Variants in KCND2 observed in about 807,000 individuals in gnomAD.
KCND2 encodes A-type voltage-gated potassium channel KCND2.
KCND2 carries 16 observed loss-of-function variants against 54.4 expected under a neutral mutation model. The observed-to-expected ratio is 0.29, with a 90% CI of 0.20 to 0.45. The LOEUF (loss-of-function observed/expected upper bound fraction) is 0.45. Ranked by LOEUF, KCND2 falls within the 20% of genes least tolerant of loss-of-function variation. The pLI is 1.00. For synonymous variants in KCND2, 317 were observed against 310.7 expected, an observed-to-expected ratio of 1.02 and a Z score of -0.21; for missense variants, 486 against 824.2, an observed-to-expected ratio of 0.59 and a Z score of 5.02.
intron 1 of KCND2, among the ~76,000 whole-genome samples, chr7:120,366,398 G>A (rs1800678898): frequency 6.7e-6 from 1 of 149,482 alleles, no homozygotes; most frequent in African/African-American, 2.5e-5. Flanking sequence ...TGAGGTGGGA[G>A]AATTTCTTGA....
At chr7:120,281,315 C>G (rs1236424629) in intron 1 of KCND2, among the ~76,000 whole-genome samples, 2 of 151,682 alleles carry the variant, frequency 1.3e-5, no homozygotes, top group Non-Finnish European at 2.9e-5. Context: ...AGCAGGGATA[C>G]ACACACACGT....
intron 1 of KCND2, among the ~76,000 whole-genome samples, chr7:120,682,185 T>A (rs541954843): frequency 6.6e-5 from 10 of 152,186 alleles, no homozygotes; most frequent in African/African-American, 2.4e-4. Flanking sequence ...AACATAAATA[T>A]AATTTCACAA....
Position 120,382,219 on chromosome 7 carries a change from A to G in KCND2, c.1115+106472A>G, listed in dbSNP as rs573017707. ...CAATACTCTTCAACTCTCCCCACTT[A>G]ATCTTCTCATTGTCTAAAGTTTGAA... On this transcript the variant is annotated intron_variant, in intron 1 of 5. Coordinates refer to ENST00000331113, the MANE Select transcript of KCND2 (RefSeq NM_012281.3). Among the ~76,000 whole-genome samples the G allele has an allele frequency of 1.1e-4, 16 of 151,926 alleles. No individual in the cohort carries two copies. In the South Asian group the frequency reaches 3.3e-3, roughly 32 times the overall value.
intron 1 of KCND2, among the ~76,000 whole-genome samples, chr7:120,306,101 A>C (rs1239790143): frequency 6.6e-6 from 1 of 152,094 alleles, no homozygotes; most frequent in African/African-American, 2.4e-5. Context: ...TCCTGCATTC[A>C]AGACTTTCTC....
chr7:120,289,907 C>A (rs145358301), intron 1 of KCND2, among the ~76,000 whole-genome samples: 1 of 152,056 alleles, frequency 6.6e-6, no homozygotes, highest in African/African-American at 2.4e-5. Context: ...AATACACATA[C>A]GATTTAATTT....
At chr7:120,533,375 A>T (rs1194801922) in intron 1 of KCND2, among the ~76,000 whole-genome samples, 1 of 152,078 alleles carries the variant, frequency 6.6e-6, no homozygotes, top group Non-Finnish European at 1.5e-5. Context: ...ACATTTGGAG[A>T]TGTCATCGCC....
chr7:120,571,687 T>C (rs539760196), intron 1 of KCND2, among the ~76,000 whole-genome samples: 1 of 152,334 alleles, frequency 6.6e-6, no homozygotes, highest in African/African-American at 2.4e-5. Flanking sequence ...TCTTTCTTAA[T>C]GAAGCATCTT....
At chr7:120,331,018 A>G (rs1423102770) in intron 1 of KCND2, among the ~76,000 whole-genome samples, 2 of 152,154 alleles carry the variant, frequency 1.3e-5, no homozygotes, top group African/African-American at 4.8e-5. Flanking sequence ...TTTAAAGAAA[A>G]TAGTTTTTGT....
chr7:120,487,739 C>A (rs1285839125), intron 1 of KCND2, among the ~76,000 whole-genome samples: 1 of 152,192 alleles, frequency 6.6e-6, no homozygotes, highest in African/African-American at 2.4e-5. Flanking sequence ...CCATCACTAT[C>A]CCTGATACTC....
chr7:120,623,971 G>A (rs929009022), intron 1 of KCND2, among the ~76,000 whole-genome samples: 1 of 152,166 alleles, frequency 6.6e-6, no homozygotes, highest in Non-Finnish European at 1.5e-5. Context: ...ATTAGAAAAT[G>A]TTAGTTGATG....
chr7:120,553,937 C>T (rs1032804476), intron 1 of KCND2, among the ~76,000 whole-genome samples: 8 of 152,184 alleles, frequency 5.3e-5, no homozygotes, highest in African/African-American at 1.9e-4. Flanking sequence ...ATCAGTTAGA[C>T]AAAAGCTTGG....
chr7:120,632,657 A>G (rs1049960833), intron 1 of KCND2, among the ~76,000 whole-genome samples: 2 of 152,168 alleles, frequency 1.3e-5, no homozygotes, highest in Non-Finnish European at 2.9e-5. Flanking sequence ...GTTGTTCTCT[A>G]TGTAATGGAC....
intron 4 of KCND2, among the ~76,000 whole-genome samples, chr7:120,743,335 G>T (rs1205486863): frequency 6.6e-6 from 1 of 152,146 alleles, no homozygotes; most frequent in Admixed American, 6.6e-5. Flanking sequence ...CAGTTCCAAA[G>T]TATTGCCTGT....
At chr7:120,622,038 T>C (rs1223939925) in intron 1 of KCND2, among the ~76,000 whole-genome samples, 1 of 152,062 alleles carries the variant, frequency 6.6e-6, no homozygotes, top group Non-Finnish European at 1.5e-5. Context: ...TTCTTTTTTC[T>C]TTAATTCACT....
At chr7:120,377,598 T>C (rs1800852935) in intron 1 of KCND2, among the ~76,000 whole-genome samples, 1 of 151,894 alleles carries the variant, frequency 6.6e-6, no homozygotes, top group African/African-American at 2.4e-5. Context: ...AAGGTAACAG[T>C]TTAAGGAGTC....
intron 1 of KCND2, among the ~76,000 whole-genome samples, chr7:120,378,903 G>C (rs1444194819): frequency 6.6e-6 from 1 of 151,962 alleles, no homozygotes; most frequent in Non-Finnish European, 1.5e-5. Flanking sequence ...AATGGCTCAT[G>C]TCTTCTACTT....
At chr7:120,627,586 A>G (rs988862513) in intron 1 of KCND2, among the ~76,000 whole-genome samples, 26 of 152,178 alleles carry the variant, frequency 1.7e-4, no homozygotes, top group Non-Finnish European at 3.5e-4. Context: ...TCATTTGTCT[A>G]TGTCCTTCTA....
intron 1 of KCND2, among the ~76,000 whole-genome samples, chr7:120,576,404 C>T (rs1489354402): frequency 6.6e-6 from 1 of 152,200 alleles, no homozygotes; most frequent in African/African-American, 2.4e-5. Flanking sequence ...TCTTGCCCTA[C>T]TGCTAAACAT....
intron 1 of KCND2, among the ~76,000 whole-genome samples, chr7:120,336,518 A>G (rs1414295711): frequency 6.6e-6 from 1 of 152,048 alleles, no homozygotes; most frequent in Non-Finnish European, 1.5e-5. Flanking sequence ...TTATTACTTT[A>G]TTAGTATAGG....
Sources: allele counts gnomAD v4.1 joint callset (sites outside exome capture counted in the v4.1 genomes callset), GRCh38; gene constraint gnomAD v4.1.1; transcripts MANE v1.5; gene names NCBI Gene and HGNC (gene_info 2026-07-23, HGNC 2026-07-21).